The following LAMB1 variants were observed in gnomAD, a reference collection of about 807,000 sequenced individuals.
LAMB1 encodes the protein laminin subunit beta 1, also known as laminin subunit beta-1.
In LAMB1, 121 loss-of-function variants were observed where a neutral mutation model predicts 222.3. The observed-to-expected ratio is 0.54, with a 90% CI of 0.47 to 0.63. LAMB1 has a LOEUF of 0.63. LAMB1 is among the 30% of genes least tolerant of loss of function. The probability of loss-of-function intolerance (pLI) is 0.00; values close to 1 mark genes in which losing one functional copy is unlikely to be tolerated. For missense variants in LAMB1, 2,172 were observed against 2,240.8 expected (o/e 0.97, Z 0.62); for synonymous variants, 794 against 807.2 (o/e 0.98, Z 0.28).
intron 9 of LAMB1, among the ~76,000 whole-genome samples, chr7:107,976,466 G>A (rs190725886): frequency 7.2e-5 from 11 of 152,270 alleles, no homozygotes; most frequent in East Asian, 1.9e-4. Flanking sequence ...CCCATTCGGC[G>A]GTCATCTTGG....
chr7:107,929,783 G>GAC, intron 29 of LAMB1, 164 bp from the exon 30 acceptor site: 1 of 545,074 alleles, frequency 1.8e-6, no homozygotes, highest in South Asian at 2.8e-5. Context: ...ATTTTGAGGG[G>GAC]AGATGAGACC....
rs767555679 is a variant in LAMB1 at position 107,986,302 on chromosome 7, A to T, written c.485T>A (p.Val162Glu). ...RSSDFGKTWG[V>E]YRYFAYDCEA... is the part of the protein sequence containing the mutation. ...ACAGTCATAGGCGAAGTATCTATAC[A>T]CACCCCAGGTTTTCCCAAAGTCGGA... Residue 162 changes from valine to glutamate, a missense_variant, in exon 6 of 34, where the codon GTG (valine) becomes GAG (glutamate). Physicochemically the swap from Val to Glu is moderately radical, Grantham distance 121. Coordinates refer to ENST00000222399, the MANE Select transcript of LAMB1 (RefSeq NM_002291.3). 6.2e-7 allele frequency: 1 copy of T among 1,613,132 alleles called. No individual in the cohort carries two copies. The highest frequency in any genetic ancestry group is 8.5e-7 in the Non-Finnish European group (1 of 1,179,198).
rs190652962 is a variant in LAMB1 at position 107,985,983 on chromosome 7, A to T, written c.676+39T>A. ...AAAAAACAAAACAAAACAAACAAAC[A>T]AACTAACAAAAAACACTTTTGTTTG... On this transcript the variant is annotated intron_variant, in intron 7 of 33. Coordinates refer to ENST00000222399, the MANE Select transcript of LAMB1 (RefSeq NM_002291.3). 3.5e-3 allele frequency: 5,132 copies of T among 1,475,908 alleles called. 17 individuals carry two copies. The highest frequency in any genetic ancestry group is 4.3e-3 in the Non-Finnish European group (4,537 of 1,058,714). The allele number at this position is 1,475,908 out of a possible 1,614,324, so 91.4% of individuals were successfully genotyped here. A position where few individuals can be genotyped will look rare whatever the true frequency, so the allele number is the denominator to read the frequency against.
intron 26 of LAMB1, chr7:107,936,360 G>A (rs1244255518): frequency 2.6e-5 from 4 of 152,300 alleles, no homozygotes; most frequent in Non-Finnish European, 4.4e-5. Context: ...GAGCAGCATA[G>A]CAAGAGCCCA....
At chr7:107,957,020 T>C (rs1325840413) in intron 20 of LAMB1, among the ~76,000 whole-genome samples, 1 of 152,238 alleles carries the variant, frequency 6.6e-6, no homozygotes, top group East Asian at 1.9e-4. Context: ...TGTTACTTTT[T>C]TATGTCCTAC....
Position 107,967,905 on chromosome 7 carries a change from T to A in LAMB1, c.1563-3218A>T, listed in dbSNP as rs191754514. Among the ~76,000 whole-genome samples, 796 of 152,222 alleles carry A rather than the reference T, an allele frequency of 5.2e-3. 3 individuals carry two copies. Among genetic ancestry groups the A allele is most frequent in the Non-Finnish European group, 8.8e-3 (600 of 68,006 alleles). On this transcript the variant is annotated intron_variant, in intron 13 of 33. Transcript: ENST00000222399. ...AGCAAAGCACTAAGGGAGAAGAAGA[T>A]ATGATTCATCTGATTGAGAAGACTG...
At chr7:107,996,302 T>A (rs1390478312) in intron 4 of LAMB1, among the ~76,000 whole-genome samples, 1 of 152,170 alleles carries the variant, frequency 6.6e-6, no homozygotes, top group African/African-American at 2.4e-5. Context: ...GGCTTTTTTT[T>A]ATATGGGAAG....
At chr7:107,936,433 A>G (rs1166890062) in intron 26 of LAMB1, 5 of 152,272 alleles carry the variant, frequency 3.3e-5, no homozygotes, top group Non-Finnish European at 5.9e-5. Flanking sequence ...GAGGATATGC[A>G]TAGGTTATAT....
Position 107,986,158 on chromosome 7 carries a change from C to G in LAMB1, c.612+17G>C, listed in dbSNP as rs888118052. On this transcript the variant is annotated intron_variant, in intron 6 of 33. Coordinates refer to ENST00000222399, the MANE Select transcript of LAMB1 (RefSeq NM_002291.3). ...GTAGATTTGCAAGTAGAATGTAAAA[C>G]ACAGAAGCAAACAAACCTCTCCTTC... 2 of 1,612,968 alleles carry G rather than the reference C, an allele frequency of 1.2e-6. No individual in the cohort carries two copies. The highest frequency in any genetic ancestry group is 2.7e-5 in the African/African-American group (2 of 74,998).
At chr7:107,993,157 A>G (rs1208621242) in intron 5 of LAMB1, among the ~76,000 whole-genome samples, 1 of 152,092 alleles carries the variant, frequency 6.6e-6, no homozygotes, top group African/African-American at 2.4e-5. Flanking sequence ...TTCTCGAGAC[A>G]GGGTCTCACC....
chr7:107,958,549 T>C (rs1179743202), intron 20 of LAMB1, among the ~76,000 whole-genome samples: 2 of 152,248 alleles, frequency 1.3e-5, no homozygotes, highest in Admixed American at 1.3e-4. Flanking sequence ...AGAAAAATTA[T>C]CACAGTGAAA....
Position 107,951,315 on chromosome 7 carries a change from C to G in LAMB1, c.3302G>C (p.Gly1101Ala). ...AAACCCAGGCATGCACTGGCACTGC[C>G]CCGTGAACTGCGGCCAGAACACAGA... ...SFGPSCNEFT[G>A]QCQCMPGFGG... The change falls in exon 24 of 34, where the codon GGG becomes GCG. Residue 1101 changes from glycine (G) to alanine (A), a missense_variant. Physicochemically the swap from Gly to Ala is moderately conservative, Grantham distance 60 (BLOSUM62 0). Transcript: ENST00000222399. The G allele has an allele frequency of 6.2e-7, 1 of 1,614,120 alleles. No homozygotes were observed. Among genetic ancestry groups the G allele is most frequent in the Non-Finnish European group, 8.5e-7 (1 of 1,179,998 alleles).
Position 108,001,668 on chromosome 7 carries a change from A to T in LAMB1, c.103T>A (p.Cys35Ser). The change falls in exon 3 of 34, where the codon TGC becomes AGC. Residue 35 changes from cysteine to serine, a missense_variant. Physicochemically the swap from Cys to Ser is moderately radical, Grantham distance 112. Coordinates refer to ENST00000222399, the MANE Select transcript of LAMB1 (RefSeq NM_002291.3). ...EFSYGCAEGS[C>S]YPATGDLLIG... ...AGAAGGTCGCCCGTGGCGGGATAGC[A>T]GCTGCCTTCTGCGCAGCCGTAGCTG... The T allele has an allele frequency of 6.2e-7, 1 of 1,612,498 alleles. No individual in the cohort carries two copies. The highest frequency in any genetic ancestry group is 8.5e-7 in the Non-Finnish European group (1 of 1,179,760).
At chr7:107,974,914 G>A (rs1224456637) in intron 12 of LAMB1, 72 bp downstream of exon 12, 1 of 870,626 alleles carries the variant, frequency 1.1e-6, no homozygotes, top group Admixed American at 1.7e-5. Flanking sequence ...CTCTACAATG[G>A]CGAAAAGGCT....
chr7:107,986,362 GTC>G lies in LAMB1; in HGVS notation c.424-1_424del, dbSNP rs1482351343. 6.4e-7 allele frequency: 1 copy of G among 1,563,454 alleles called. No individual in the cohort carries two copies. Among genetic ancestry groups the G allele is most frequent in the Non-Finnish European group, 8.7e-7 (1 of 1,152,648 alleles). On this transcript the variant is annotated splice_acceptor_variant and coding_sequence_variant, in exon 6 of 34. Transcript: ENST00000222399. LOFTEE classifies it high-confidence loss of function. ...TATCAGCATAGCAGCTGGACGGAATGTCTAAAGGCAGGAGCAAAAATCTCATT... is the reference window on the plus strand; with the variant it reads ...TATCAGCATAGCAGCTGGACGGAATGTAAAGGCAGGAGCAAAAATCTCATT...
chr7:107,976,858 TC>T, intron 9 of LAMB1, among the ~76,000 whole-genome samples: 1 of 32,118 alleles, frequency 3.1e-5, no homozygotes, highest in Non-Finnish European at 6.6e-5. Context: ...TCCTTTCCTC[TC>T]CTTCCTTCCT....
chr7:108,001,911 G>A, intron 2 of LAMB1, 178 bp from the exon 3 acceptor site: 1 of 1,462,924 alleles, frequency 6.8e-7, no homozygotes, highest in African/African-American at 1.4e-5. Flanking sequence ...GGAAGGCAGG[G>A]ACTCCGAAAG....
intron 20 of LAMB1, among the ~76,000 whole-genome samples, chr7:107,958,825 T>A (rs930833045): frequency 6.6e-6 from 1 of 152,218 alleles, no homozygotes; most frequent in Non-Finnish European, 1.5e-5. Flanking sequence ...CTGGAAACTG[T>A]AGTTGCATAA....
intron 20 of LAMB1, among the ~76,000 whole-genome samples, chr7:107,957,111 C>T (rs1261915814): frequency 1.3e-5 from 2 of 152,152 alleles, no homozygotes; most frequent in Non-Finnish European, 2.9e-5. Flanking sequence ...ATATTCCGGC[C>T]AGGTGCGGTG....
Sources: gnomAD v4.1 joint callset for allele counts (sites outside exome capture counted in the v4.1 genomes callset) on GRCh38, gnomAD v4.1.1 for gene constraint, MANE v1.5 for transcripts, NCBI Gene and HGNC (gene_info 2026-07-23, HGNC 2026-07-21) for gene names.